The following IFT140 variants were observed in gnomAD, a reference collection of about 807,000 sequenced individuals.
IFT140 encodes the protein intraflagellar transport 140, also known as intraflagellar transport protein 140 homolog.
Under a neutral mutation model 164.6 loss-of-function variants are expected in IFT140, and 133 were observed. The observed-to-expected ratio is 0.81, with a 90% confidence interval of 0.70 to 0.93. The LOEUF is 0.93. IFT140 is among the 40% of genes least tolerant of loss of function. IFT140 has a pLI of 0.00. For synonymous variants in IFT140, 860 were observed against 817.3 expected (o/e 1.05, Z -0.89); for missense variants, 2,045 against 1,972.3 (o/e 1.04, Z -0.70).
chr16:1,575,060 C>T (rs748360449), intron 13 of IFT140, among the ~76,000 whole-genome samples: 4 of 152,186 alleles, frequency 2.6e-5, no homozygotes, highest in Non-Finnish European at 5.9e-5. Context: ...ACATGTATTC[C>T]TTTTGTAACT....
intron 19 of IFT140, among the ~76,000 whole-genome samples, chr16:1,546,543 G>C (rs2032187611): frequency 6.6e-6 from 1 of 152,240 alleles, no homozygotes; most frequent in Admixed American, 6.5e-5. Context: ...TCTCTCTGAA[G>C]CCCTGCTGGG....
intron 19 of IFT140, among the ~76,000 whole-genome samples, chr16:1,529,126 T>C (rs1476556217): frequency 6.6e-6 from 1 of 152,204 alleles, no homozygotes; most frequent in Non-Finnish European, 1.5e-5. Flanking sequence ...CAGCAGGTAC[T>C]TTGTGCCTGG....
chr16:1,564,882 G>C lies in IFT140; in HGVS notation c.1902-720C>G, dbSNP rs756510020. 6.6e-6 allele frequency among the ~76,000 whole-genome samples: 1 copy of C among 152,208 alleles called. No individual in the cohort carries two copies. The highest frequency in any genetic ancestry group is 2.4e-5 in the African/African-American group (1 of 41,452). On this transcript the variant is annotated intron_variant, in intron 16 of 30. Transcript: ENST00000426508. This position sits in a 1 kb window ranked among gnomAD's most constrained non-coding sequence, Gnocchi z 5.5. ...ATCCCCTAGTAAGCCACTGCACCCA[G>C]CAATGGAGGTGCCCTCACAGCCACG...
At chr16:1,592,682 C>G in intron 4 of IFT140, 94 bp from the exon 5 acceptor site, 1 of 1,515,802 alleles carries the variant, frequency 6.6e-7, no homozygotes, top group Non-Finnish European at 8.9e-7. Flanking sequence ...GGTGGTGGGA[C>G]AGGTGTCCCG....
chr16:1,511,186 G>C (rs372031736), intron 30 of IFT140, 36 bp from the exon 31 acceptor site: 89 of 1,561,538 alleles, frequency 5.7e-5, no homozygotes, highest in Non-Finnish European at 7.1e-5. Flanking sequence ...CAGCTTTCCT[G>C]AACAACCAGG....
intron 19 of IFT140, chr16:1,554,986 G>A (rs751975732): frequency 8.1e-5 from 131 of 1,613,312 alleles, no homozygotes; most frequent in Non-Finnish European, 1.1e-4. Flanking sequence ...GCGCGCTTTC[G>A]CCGTGGGCTG....
intron 19 of IFT140, among the ~76,000 whole-genome samples, chr16:1,552,285 C>T (rs2032713674): frequency 6.6e-6 from 1 of 152,110 alleles, no homozygotes; most frequent in Admixed American, 6.5e-5. Flanking sequence ...TGCATCGCCC[C>T]CCTGCTGGGC....
intron 19 of IFT140, among the ~76,000 whole-genome samples, chr16:1,539,176 G>A (rs1210851952): frequency 2.0e-5 from 3 of 150,828 alleles, no homozygotes; most frequent in South Asian, 2.1e-4. Flanking sequence ...GTGCCACGCC[G>A]CCCCACGCCT....
intron 19 of IFT140, chr16:1,541,476 C>A: frequency 1.0e-6 from 1 of 985,416 alleles, no homozygotes; most frequent in Non-Finnish European, 1.2e-6. Flanking sequence ...AGGAGCTGGC[C>A]CCCCGCGGAG....
At chr16:1,599,089 G>T (rs1468222923) in intron 4 of IFT140, among the ~76,000 whole-genome samples, 4 of 89,494 alleles carry the variant, frequency 4.5e-5, no homozygotes, top group Non-Finnish European at 6.5e-5. Flanking sequence ...TGTGAGGAGC[G>T]CCTCTGCCCG....
chr16:1,513,892 C>G (rs1042219022), intron 30 of IFT140, among the ~76,000 whole-genome samples: 16 of 142,630 alleles, frequency 1.1e-4, no homozygotes, highest in Non-Finnish European at 2.0e-4. Context: ...CCAAGATGGT[C>G]TCCATCTCCT....
At chr16:1,565,216 G>A (rs755606034) in intron 16 of IFT140, among the ~76,000 whole-genome samples, 10 of 152,216 alleles carry the variant, frequency 6.6e-5, no homozygotes, top group Middle Eastern at 3.2e-3. Flanking sequence ...GGGCAGTGGG[G>A]ACTAGAGGAA....
At chr16:1,512,234 C>T (rs540151396) in intron 30 of IFT140, among the ~76,000 whole-genome samples, 4 of 113,204 alleles carry the variant, frequency 3.5e-5, no homozygotes, top group East Asian at 5.0e-4. Context: ...GGACAGGCGG[C>T]GTAGGTGGGT....
chr16:1,544,787 T>C (rs1204055782), intron 19 of IFT140, among the ~76,000 whole-genome samples: 2 of 151,770 alleles, frequency 1.3e-5, no homozygotes, highest in Non-Finnish European at 2.9e-5. Flanking sequence ...TAGCTGGGAC[T>C]ACAGGCACCC....
rs973440348 is a variant in IFT140, at chr16:1,524,601, T to G, written c.3092A>C (p.His1031Pro). Residue 1031 changes from histidine (H) to proline (P), a missense_variant, in exon 24 of 31, where the codon CAC (histidine) becomes CCC (proline). Transcript: ENST00000426508. ...GAAGGCCTGTGCCCGGGTGTAGAAG[T>G]GCACCGCCTGCCCGACCTCCTCCTG... ...ESQEEVGQAVHFYTRAQAFKN... is the reference protein window; with the variant it reads ...ESQEEVGQAVPFYTRAQAFKN... The G allele has an allele frequency of 5.0e-6, 8 of 1,606,422 alleles. No homozygotes were observed. The Admixed American group carries it at 6.7e-5, about 13-fold the overall frequency.
chr16:1,534,244 T>C, intron 19 of IFT140: 1 of 1,605,934 alleles, frequency 6.2e-7, no homozygotes, highest in South Asian at 1.1e-5. Context: ...GACTTGGCTT[T>C]CTCCGGATAA....
intron 14 of IFT140, among the ~76,000 whole-genome samples, chr16:1,569,926 A>C (rs2033933653): frequency 6.6e-6 from 1 of 151,768 alleles, no homozygotes; most frequent in South Asian, 2.1e-4. Context: ...CTGGGACTAC[A>C]GGCATGAGCC....
chr16:1,562,222 T>C (rs1386341923), intron 17 of IFT140, 106 bp from the exon 18 acceptor site: 3 of 907,210 alleles, frequency 3.3e-6, no homozygotes, highest in Non-Finnish European at 4.7e-6. Flanking sequence ...GTGGGGTCGT[T>C]GCTACACACT....
intron 13 of IFT140, among the ~76,000 whole-genome samples, chr16:1,573,028 T>C (rs1307635219): frequency 1.3e-5 from 2 of 151,898 alleles, no homozygotes; most frequent in South Asian, 2.1e-4. Context: ...GAGAACTTAG[T>C]GGGCACGGAA....
Sources: allele counts gnomAD v4.1 joint callset (sites outside exome capture counted in the v4.1 genomes callset), GRCh38; gene constraint gnomAD v4.1.1; non-coding constraint Gnocchi (gnomAD v3.1); transcripts MANE v1.5; gene names NCBI Gene and HGNC (gene_info 2026-07-23, HGNC 2026-07-21).